ROBO1: variants seen among roughly 807,000 people sequenced by gnomAD.
ROBO1 encodes roundabout guidance receptor 1.
In ROBO1, 149 loss-of-function variants were observed where a neutral mutation model predicts 195.9. The ratio of observed to expected loss-of-function variants is 0.76; its 90% CI spans 0.67 to 0.87. The LOEUF (loss-of-function observed/expected upper bound fraction) is 0.87, where lower values mean the gene tolerates loss of function less well. Ranked by LOEUF, ROBO1 falls within the 40% of genes least tolerant of loss-of-function variation. The pLI is 0.00. For synonymous variants in ROBO1, 816 were observed against 733.2 expected (o/e 1.11, Z -1.82); for missense variants, 1,933 against 2,068.3 (o/e 0.93, Z 1.27).
chr3:79,505,750 G>A (rs1420438482), intron 2 of ROBO1, among the ~76,000 whole-genome samples: 1 of 152,170 alleles, frequency 6.6e-6, no homozygotes, highest in Non-Finnish European at 1.5e-5. Context: ...GACAAATAAT[G>A]ATAACATAAG....
At chr3:79,098,019 A>G (rs913052430) in intron 3 of ROBO1, among the ~76,000 whole-genome samples, 1 of 151,768 alleles carries the variant, frequency 6.6e-6, no homozygotes, top group African/African-American at 2.4e-5. Context: ...CCCTCAGTAT[A>G]CTTATAAGAG....
intron 2 of ROBO1, among the ~76,000 whole-genome samples, chr3:79,454,472 G>C (rs1385969050): frequency 6.6e-6 from 1 of 152,026 alleles, no homozygotes; most frequent in Non-Finnish European, 1.5e-5. Flanking sequence ...GCAAGCATCA[G>C]ACACACAGAA....
intron 3 of ROBO1, among the ~76,000 whole-genome samples, chr3:79,113,033 T>G (rs974003356): frequency 2.0e-5 from 3 of 152,110 alleles, no homozygotes; most frequent in Non-Finnish European, 4.4e-5. Context: ...GAGCCCTCAC[T>G]CAATGCAGAA....
chr3:79,332,614 G>A (rs560907475), intron 2 of ROBO1, among the ~76,000 whole-genome samples: 1 of 152,222 alleles, frequency 6.6e-6, no homozygotes, highest in African/African-American at 2.4e-5. Flanking sequence ...GTCAACAGTT[G>A]TTGAATAAAC....
At chr3:79,261,951 TC>T in intron 2 of ROBO1, among the ~76,000 whole-genome samples, 1 of 152,178 alleles carries the variant, frequency 6.6e-6, no homozygotes, top group East Asian at 1.9e-4. Flanking sequence ...AAAAGACCTT[TC>T]TGGACAAATG....
At chr3:79,144,704 A>C (rs1465999524) in intron 2 of ROBO1, among the ~76,000 whole-genome samples, 1 of 151,996 alleles carries the variant, frequency 6.6e-6, no homozygotes, top group Non-Finnish European at 1.5e-5. Flanking sequence ...TAAAAGGAAA[A>C]ATATATAGTT....
chr3:79,405,573 TA>T (rs1173198635), intron 2 of ROBO1, among the ~76,000 whole-genome samples: 1 of 152,202 alleles, frequency 6.6e-6, no homozygotes, highest in Non-Finnish European at 1.5e-5. Context: ...CTTTACTTTT[TA>T]TTTTACTTCA....
intron 4 of ROBO1, among the ~76,000 whole-genome samples, chr3:78,841,978 T>C (rs1400789052): frequency 6.6e-6 from 1 of 151,854 alleles, no homozygotes; most frequent in Non-Finnish European, 1.5e-5. Flanking sequence ...TGTAAGGATA[T>C]GAAAACCATT....
intron 2 of ROBO1, among the ~76,000 whole-genome samples, chr3:79,575,214 T>TAA (rs1943426465): frequency 8.7e-6 from 1 of 114,962 alleles, no homozygotes; most frequent in African/African-American, 3.9e-5. Flanking sequence ...ATAACAGATA[T>TAA]ATATATATAA....
At chr3:78,656,345 A>ATT (rs5850382) in intron 18 of ROBO1, among the ~76,000 whole-genome samples, 43 of 88,574 alleles carry the variant, frequency 4.9e-4, no homozygotes, top group African/African-American at 1.2e-3. Context: ...TGCTTATTTG[A>ATT]TTTTTTTTTT....
chr3:78,875,247 T>C (rs1365422899), intron 4 of ROBO1, among the ~76,000 whole-genome samples: 1 of 151,994 alleles, frequency 6.6e-6, no homozygotes, highest in Non-Finnish European at 1.5e-5. Context: ...TATAAATGAT[T>C]AGAAAAGGAA....
chr3:79,695,027 A>G (rs9837744), intron 1 of ROBO1, among the ~76,000 whole-genome samples: 2 of 151,570 alleles, frequency 1.3e-5, no homozygotes, highest in African/African-American at 4.8e-5. Context: ...TTTAAAACCA[A>G]AAGAAGAAAA....
At chr3:79,272,377 A>G (rs576976782) in intron 2 of ROBO1, among the ~76,000 whole-genome samples, 1 of 152,062 alleles carries the variant, frequency 6.6e-6, no homozygotes, top group South Asian at 2.1e-4. Context: ...AGAAGCCTCC[A>G]CTGACCATCC....
intron 3 of ROBO1, among the ~76,000 whole-genome samples, chr3:79,029,192 A>G (rs1576588852): frequency 6.6e-6 from 1 of 151,968 alleles, no homozygotes; most frequent in African/African-American, 2.4e-5. Flanking sequence ...CTATTTCTTG[A>G]TTTTCCTTTA....
At chr3:79,140,432 A>G (rs2080501238) in intron 2 of ROBO1, among the ~76,000 whole-genome samples, 1 of 152,098 alleles carries the variant, frequency 6.6e-6, no homozygotes, top group Non-Finnish European at 1.5e-5. Context: ...ATTTATTTAT[A>G]TATTATTTAT....
chr3:78,906,111 C>G (rs1026909447), intron 4 of ROBO1, among the ~76,000 whole-genome samples: 1 of 152,040 alleles, frequency 6.6e-6, no homozygotes, highest in Non-Finnish European at 1.5e-5. Flanking sequence ...ATTCTTATTT[C>G]AGAATCCTAC....
At chr3:78,824,913 G>A (rs921163435) in intron 4 of ROBO1, among the ~76,000 whole-genome samples, 4 of 152,028 alleles carry the variant, frequency 2.6e-5, no homozygotes, top group African/African-American at 9.7e-5. Flanking sequence ...CCTACTGTCC[G>A]TTACTTTCTT....
intron 1 of ROBO1, among the ~76,000 whole-genome samples, chr3:79,763,738 T>C (rs1253410280): frequency 2.0e-5 from 3 of 152,152 alleles, no homozygotes; most frequent in Non-Finnish European, 2.9e-5. Context: ...GGGTGGGGTA[T>C]ATTTTCTGAA....
intron 2 of ROBO1, among the ~76,000 whole-genome samples, chr3:79,331,245 T>C (rs2034427433): frequency 6.6e-6 from 1 of 152,214 alleles, no homozygotes; most frequent in South Asian, 2.1e-4. Context: ...AAGAATTAAA[T>C]ACTCTTGAAT....
Sources: allele counts gnomAD v4.1 joint callset (sites outside exome capture counted in the v4.1 genomes callset), GRCh38; gene constraint gnomAD v4.1.1; transcripts MANE v1.5; gene names NCBI Gene and HGNC (gene_info 2026-07-23, HGNC 2026-07-21).